Variants in MED21 observed in about 807,000 individuals in gnomAD.
MED21 encodes the protein mediator complex subunit 21, also known as mediator of RNA polymerase II transcription subunit 21.
MED21 carries 9 observed loss-of-function variants against 18.2 expected under a neutral mutation model. The ratio of observed to expected loss-of-function variants is 0.49; its 90% CI spans 0.30 to 0.86. The LOEUF (loss-of-function observed/expected upper bound fraction) is 0.86. Among genes scored for constraint, MED21 ranks in the 40% least tolerant of loss-of-function variants. The pLI is 0.07. For synonymous variants in MED21, 73 were observed against 60.5 expected (o/e 1.21, Z -0.96); for missense variants, 150 against 170.9 (o/e 0.88, Z 0.68).
At chr12:27,037,722 A>G (rs1941658471) in intron 2 of MED21, 2 of 152,206 alleles carry the variant, frequency 1.3e-5, no homozygotes, top group Admixed American at 6.5e-5. Flanking sequence ...AACATATTAC[A>G]AATTGGAATA....
chr12:27,024,616 C>T (rs575214035), intron 1 of MED21, among the ~76,000 whole-genome samples: 17 of 152,256 alleles, frequency 1.1e-4, no homozygotes, highest in Admixed American at 9.2e-4. Flanking sequence ...TGTCTTGTAA[C>T]TAGAAGGATA....
chr12:27,028,445 C>G lies in MED21; in HGVS notation c.419C>G (p.Ser140Cys), dbSNP rs774372174. 39 of 1,613,708 alleles carry G rather than the reference C, an allele frequency of 2.4e-5. 1 individual carries two copies. In the South Asian group the frequency reaches 4.1e-4, roughly 17 times the overall value. Reference protein sequence around the residue: ...LKTRSGTHSQSLPDS With the variant: ...LKTRSGTHSQCLPDS ...ACAAGAAGTGGTACCCATAGCCAGTCTCTTCCAGACTCATAGCATCAGTGG... is the reference window on the plus strand; with the variant it reads ...ACAAGAAGTGGTACCCATAGCCAGTGTCTTCCAGACTCATAGCATCAGTGG... The change falls in exon 4 of 4, where the codon TCT becomes TGT. Residue 140 changes from serine (S) to cysteine (C), a missense_variant. By Grantham distance (112) the Ser-to-Cys change is moderately radical. Transcript: ENST00000282892.
chr12:27,033,869 A>G (rs1043971798), downstream of MED21, among the ~76,000 whole-genome samples: 2 of 152,218 alleles, frequency 1.3e-5, no homozygotes, highest in African/African-American at 2.4e-5. Flanking sequence ...AAATGCAAGT[A>G]TTACCTTTCT....
At position 27,029,959 on chromosome 12, in the gene MED21, A is replaced by T. The variant is rs1375068475; in HGVS notation, c.*1498A>T. On this transcript the variant is annotated 3_prime_UTR_variant, in exon 4 of 4. Transcript: ENST00000282892. The stretch of plus-strand genomic sequence containing the variant: ...AATTCAAGGGAAGCTTTTTAAAAAG[A>T]AGGGAAGTTATAGCAGAAGGAAACT... 1 of 287,202 alleles carries T rather than the reference A, an allele frequency of 3.5e-6. No homozygotes were observed. The highest frequency in any genetic ancestry group is 5.2e-6 in the Non-Finnish European group (1 of 191,734). 17.8% of individuals were successfully genotyped at this position (287,202 alleles called of 1,614,324 possible).
intron 1 of MED21, among the ~76,000 whole-genome samples, chr12:27,023,788 G>C (rs1941508036): frequency 6.6e-6 from 1 of 151,446 alleles, no homozygotes; most frequent in Non-Finnish European, 1.5e-5. Flanking sequence ...GAAATGCATG[G>C]TTTTGGCGAT....
rs1048998407 is a variant in MED21, at chr12:27,027,384, A to G, written c.195A>G (p.Thr65=). The change falls in exon 3 of 4, where the codon ACA becomes ACG. Residue 65 remains threonine, a synonymous_variant. Transcript: ENST00000282892. ...TTTTTGCAGCACTGATTGCACGAAC[A>G]GCAAAAGACATTGATGTTTTGATAG... ...AQLFAALIAR[T]AKDIDVLIDS... 15 of 1,613,826 alleles carry G rather than the reference A, an allele frequency of 9.3e-6. 1 individual carries two copies. The highest frequency in any genetic ancestry group is 1.3e-5 in the Non-Finnish European group (15 of 1,179,942).
At chr12:27,032,995 G>T (rs1430403285), downstream of MED21, among the ~76,000 whole-genome samples, 1 of 152,018 alleles carries the variant, frequency 6.6e-6, no homozygotes, top group African/African-American at 2.4e-5. Flanking sequence ...CTCCACGTTA[G>T]TTTTTTTCTA....
In MED21 at chr12:27,022,600, G is replaced by T. The variant is rs1273877452; in HGVS notation, c.21G>T (p.Gln7His). Residue 7 changes from glutamine to histidine, a missense_variant, in exon 1 of 4, where the codon CAG becomes CAT. Physicochemically the swap from Gln to His is conservative, Grantham distance 24 (BLOSUM62 0). Transcript: ENST00000282892. ...GGAACATGGCGGATCGGCTCACGCA[G>T]CTTCAGGACGCTGTGAATTCGGTGA... Reference protein sequence around the residue: MADRLTQLQDAVNSLAD... With the variant: MADRLTHLQDAVNSLAD... 3 of 1,584,100 alleles carry T rather than the reference G, an allele frequency of 1.9e-6. No homozygotes were observed. Among genetic ancestry groups the T allele is most frequent in the Non-Finnish European group, 2.6e-6 (3 of 1,160,480 alleles).
Position 27,028,555 on chromosome 12 carries a change from A to G in MED21, c.*94A>G. 2 of 1,472,818 alleles carry G rather than the reference A, an allele frequency of 1.4e-6. No individual in the cohort carries two copies. The allele number at this position is 1,472,818 out of a possible 1,614,324, so 91.2% of individuals were successfully genotyped here. On this transcript the variant is annotated 3_prime_UTR_variant, in exon 4 of 4. Transcript: ENST00000282892. Reference sequence around the variant, plus strand: ...AGATACAAGCCTTACCAACAATTACAGAAACATTAAACACTATGACACATT... The same window carrying G: ...AGATACAAGCCTTACCAACAATTACGGAAACATTAAACACTATGACACATT...
Position 27,026,485 on chromosome 12 carries a change from T to C in MED21, c.108T>C (p.Asn36=). The change falls in exon 2 of 4, where the codon AAT becomes AAC. Residue 36 remains asparagine, a synonymous_variant. Transcript: ENST00000282892. ...LQQCGPPASF[N]NIQTAINKDQ... ...AATGTGGTCCTCCTGCCTCTTTCAA[T>C]AATATTCAGACAGCAATTAACAAAG... The C allele has an allele frequency of 6.2e-7, 1 of 1,614,000 alleles. No homozygotes were observed. The highest frequency in any genetic ancestry group is 2.2e-5 in the East Asian group (1 of 44,818).
At chr12:27,023,752 C>T (rs888970438) in intron 1 of MED21, among the ~76,000 whole-genome samples, 2 of 152,120 alleles carry the variant, frequency 1.3e-5, no homozygotes, top group South Asian at 4.1e-4. Flanking sequence ...CAGTCATGGG[C>T]CCCTAATGAA....
downstream of MED21, among the ~76,000 whole-genome samples, chr12:27,032,243 C>G (rs1438766745): frequency 1.3e-5 from 2 of 152,146 alleles, no homozygotes; most frequent in Non-Finnish European, 2.9e-5. Flanking sequence ...GCCTAAGTTA[C>G]TATCGTAACT....
downstream of MED21, among the ~76,000 whole-genome samples, chr12:27,034,994 G>T (rs543488764): frequency 2.0e-5 from 3 of 152,082 alleles, no homozygotes; most frequent in Admixed American, 1.3e-4. Context: ...TAGGTGCTCC[G>T]CCTGCCCCTG....
intron 2 of MED21, 120 bp from the exon 3 acceptor site, chr12:27,027,227 G>A (rs1015729891): frequency 1.9e-5 from 12 of 615,822 alleles, no homozygotes; most frequent in African/African-American, 3.8e-5. Context: ...ACGCCTGGCC[G>A]AATCATTAGA....
At chr12:27,027,598 A>C (rs1941562736) in intron 3 of MED21, 151 bp downstream of exon 3, 1 of 590,180 alleles carries the variant, frequency 1.7e-6, no homozygotes, top group South Asian at 2.1e-5. Context: ...TTATTTTCTC[A>C]CAGTTCTGGA....
Position 27,029,574 on chromosome 12 carries a change from T to G in MED21, c.*1113T>G. The G allele has an allele frequency of 2.0e-6, 2 of 985,472 alleles. No homozygotes were observed. Among genetic ancestry groups the G allele is most frequent in the Non-Finnish European group, 1.2e-6 (1 of 829,930 alleles). The allele number at this position is 985,472 out of a possible 1,614,324, so 61.0% of individuals were successfully genotyped here. On this transcript the variant is annotated 3_prime_UTR_variant, in exon 4 of 4. Coordinates refer to ENST00000282892, the MANE Select transcript of MED21 (RefSeq NM_004264.5). ...AACAGGAACAATAGAACACTCTGCC[T>G]GTTATTTTTGTTGTAATCAAGCTTT...
rs749746633 is a variant in MED21, at chr12:27,028,420, A to T, written c.394A>T (p.Thr132Ser). 6.2e-7 allele frequency: 1 copy of T among 1,614,156 alleles called. No homozygotes were observed. Among genetic ancestry groups the T allele is most frequent in the Non-Finnish European group, 8.5e-7 (1 of 1,179,998 alleles). ...TGATATTGCACAGTCACAGCTGAAGACAAGAAGTGGTACCCATAGCCAGTC... is the reference window on the plus strand; with the variant it reads ...TGATATTGCACAGTCACAGCTGAAGTCAAGAAGTGGTACCCATAGCCAGTC... ...LADIAQSQLK[T>S]RSGTHSQSLP... The change falls in exon 4 of 4, where the codon ACA becomes TCA. Residue 132 changes from threonine (T) to serine (S), a missense_variant. By Grantham distance (58) the Thr-to-Ser change is moderately conservative. Coordinates refer to ENST00000282892, the MANE Select transcript of MED21 (RefSeq NM_004264.5).
intron 2 of MED21, 92 bp downstream of exon 2, chr12:27,026,626 A>C: frequency 1.3e-6 from 1 of 752,864 alleles, no homozygotes; most frequent in Non-Finnish European, 2.2e-6. Flanking sequence ...AGCTTATTTT[A>C]TTTCTAAAAT....
At chr12:27,038,135 A>G (rs922916300) in intron 2 of MED21, 15 of 152,308 alleles carry the variant, frequency 9.8e-5, no homozygotes, top group Non-Finnish European at 1.6e-4. Context: ...AATAAAAATT[A>G]TAAGATAAAA....
Sources: gnomAD v4.1 joint callset for allele counts (sites outside exome capture counted in the v4.1 genomes callset) on GRCh38, gnomAD v4.1.1 for gene constraint, MANE v1.5 for transcripts, NCBI Gene and HGNC (gene_info 2026-07-23, HGNC 2026-07-21) for gene names.